DPP10: variants seen among roughly 807,000 people sequenced by gnomAD.
The protein encoded by DPP10 is inactive dipeptidyl peptidase 10.
In DPP10, 33 loss-of-function variants were observed where a neutral mutation model predicts 120.9. That is an observed-to-expected ratio of 0.27 (90% confidence interval 0.21 to 0.37). The LOEUF (loss-of-function observed/expected upper bound fraction) is 0.37. Ranked by LOEUF, DPP10 falls within the 10% of genes least tolerant of loss-of-function variation. DPP10 has a pLI of 1.00. For missense variants in DPP10, 816 were observed against 942.8 expected, an observed-to-expected ratio of 0.87 and a Z score of 1.76; for synonymous variants, 337 against 326.1, an observed-to-expected ratio of 1.03 and a Z score of -0.36.
intron 1 of DPP10, among the ~76,000 whole-genome samples, chr2:115,114,952 G>A (rs529255532): frequency 7.9e-5 from 12 of 151,944 alleles, no homozygotes; most frequent in South Asian, 2.1e-4. Flanking sequence ...AATCCAAAGC[G>A]TTACACTGCC....
intron 1 of DPP10, among the ~76,000 whole-genome samples, chr2:114,959,680 C>G (rs1200174408): frequency 3.3e-5 from 5 of 152,172 alleles, no homozygotes; most frequent in Admixed American, 3.3e-4. Flanking sequence ...ACCACACTGC[C>G]AACAGCAATG....
At chr2:114,745,508 A>C (rs1678496441) in intron 1 of DPP10, among the ~76,000 whole-genome samples, 1 of 152,248 alleles carries the variant, frequency 6.6e-6, no homozygotes, top group Non-Finnish European at 1.5e-5. Flanking sequence ...AAGTGAGTGC[A>C]CAGAGAGCAA....
intron 1 of DPP10, among the ~76,000 whole-genome samples, chr2:115,294,491 T>C (rs182657750): frequency 2.0e-5 from 3 of 152,176 alleles, no homozygotes; most frequent in Admixed American, 2.0e-4. Context: ...TATTGTTTTG[T>C]ACTCTCTCTT....
chr2:115,497,074 A>G (rs1401630593), intron 3 of DPP10, among the ~76,000 whole-genome samples: 1 of 152,076 alleles, frequency 6.6e-6, no homozygotes, highest in Non-Finnish European at 1.5e-5. Context: ...CAACAGTACT[A>G]TCATCTATAT....
At chr2:114,610,692 G>C (rs1693212881) in intron 1 of DPP10, among the ~76,000 whole-genome samples, 1 of 152,066 alleles carries the variant, frequency 6.6e-6, no homozygotes, top group African/African-American at 2.4e-5. Flanking sequence ...TCTGGTGACG[G>C]CAACTCTCTC....
intron 1 of DPP10, among the ~76,000 whole-genome samples, chr2:114,844,631 C>A (rs1458449269): frequency 2.0e-5 from 3 of 151,860 alleles, no homozygotes; most frequent in Non-Finnish European, 4.4e-5. Context: ...CTAGGAACAT[C>A]CTCATCATAT....
chr2:114,533,595 C>A (rs767416137), intron 1 of DPP10, among the ~76,000 whole-genome samples: 2 of 151,622 alleles, frequency 1.3e-5, no homozygotes, highest in Non-Finnish European at 2.9e-5. Context: ...ACCTGCACAT[C>A]CTGCCCATGT....
intron 1 of DPP10, among the ~76,000 whole-genome samples, chr2:114,767,408 G>A (rs529276231): frequency 6.6e-6 from 1 of 151,088 alleles, no homozygotes; most frequent in East Asian, 1.9e-4. Context: ...GAGGAGAGGC[G>A]AAATTTTAAA....
intron 1 of DPP10, among the ~76,000 whole-genome samples, chr2:114,881,453 G>A (rs199810494): frequency 1.3e-4 from 6 of 44,916 alleles, no homozygotes; most frequent in Admixed American, 9.3e-4. Context: ...CTGTCTGTCT[G>A]TCTGTCTATC....
chr2:115,422,156 C>T (rs2070032989), intron 3 of DPP10, among the ~76,000 whole-genome samples: 2 of 152,104 alleles, frequency 1.3e-5, no homozygotes, highest in Non-Finnish European at 2.9e-5. Flanking sequence ...TTAATGAGTT[C>T]TGTTACTGTG....
intron 3 of DPP10, among the ~76,000 whole-genome samples, chr2:115,466,357 C>T (rs752153721): frequency 6.6e-6 from 1 of 152,234 alleles, no homozygotes; most frequent in Non-Finnish European, 1.5e-5. Flanking sequence ...TTCCTCAGAA[C>T]ACAATTTGAG....
At chr2:115,519,543 A>T (rs543122454) in intron 4 of DPP10, among the ~76,000 whole-genome samples, 3 of 152,344 alleles carry the variant, frequency 2.0e-5, no homozygotes, top group Admixed American at 6.5e-5. Context: ...ACATGAAAAA[A>T]TACACAGTAA....
intron 1 of DPP10, among the ~76,000 whole-genome samples, chr2:114,930,935 A>G (rs1001099095): frequency 6.6e-6 from 1 of 152,148 alleles, no homozygotes; most frequent in Non-Finnish European, 1.5e-5. Context: ...TAAAGGATTT[A>G]CCCCCATGTC....
chr2:115,357,177 T>C (rs139638932), intron 3 of DPP10, among the ~76,000 whole-genome samples: 5 of 152,324 alleles, frequency 3.3e-5, no homozygotes, highest in African/African-American at 7.2e-5. Flanking sequence ...GGATAATGGA[T>C]AGTGACCTAA....
intron 1 of DPP10, among the ~76,000 whole-genome samples, chr2:115,281,560 G>A (rs987490041): frequency 1.3e-5 from 2 of 152,160 alleles, no homozygotes; most frequent in African/African-American, 2.4e-5. Context: ...GAATATGCCC[G>A]TAGGAGTAAA....
At chr2:115,424,466 T>C (rs1196159010) in intron 3 of DPP10, among the ~76,000 whole-genome samples, 4 of 151,988 alleles carry the variant, frequency 2.6e-5, no homozygotes, top group African/African-American at 7.2e-5. Flanking sequence ...CAAGATAAAT[T>C]ATCAGCAGAT....
intron 1 of DPP10, among the ~76,000 whole-genome samples, chr2:114,710,928 G>A (rs1275090379): frequency 6.6e-6 from 1 of 152,184 alleles, no homozygotes; most frequent in Non-Finnish European, 1.5e-5. Flanking sequence ...GAACACAACA[G>A]CAGGGGTTAG....
At chr2:114,927,034 A>C (rs7572689) in intron 1 of DPP10, among the ~76,000 whole-genome samples, 2,356 of 151,952 alleles carry the variant, frequency 0.016, 62 homozygotes, top group African/African-American at 0.054. Context: ...TATTTTTAGT[A>C]GAGATGGGGT....
At chr2:115,446,796 C>G (rs976967774) in intron 3 of DPP10, among the ~76,000 whole-genome samples, 2 of 152,104 alleles carry the variant, frequency 1.3e-5, no homozygotes, top group African/African-American at 4.8e-5. Context: ...TGAAGTTTGG[C>G]GATTACCAAC....
Sources: gnomAD v4.1 joint callset for allele counts (sites outside exome capture counted in the v4.1 genomes callset) on GRCh38, gnomAD v4.1.1 for gene constraint, MANE v1.5 for transcripts, NCBI Gene and HGNC (gene_info 2026-07-23, HGNC 2026-07-21) for gene names.